The following ABCC1 variants were observed in gnomAD, a reference collection of about 807,000 sequenced individuals.
ABCC1 encodes ATP binding cassette subfamily C member 1 (ABCC1 blood group), also known as multidrug resistance-associated protein 1.
In ABCC1, 83 loss-of-function variants were observed where a neutral mutation model predicts 172.9. The observed-to-expected ratio is 0.48, with a 90% CI of 0.40 to 0.58. The LOEUF is 0.58. Ranked by LOEUF, ABCC1 falls within the 20% of genes least tolerant of loss-of-function variation. The probability of loss-of-function intolerance (pLI) is 0.00; values close to 1 mark genes in which losing one functional copy is unlikely to be tolerated. For synonymous variants in ABCC1, 937 were observed against 825.2 expected (o/e 1.14, Z -2.32); for missense variants, 1,817 against 2,002.7 (o/e 0.91, Z 1.77).
In ABCC1 at chr16:16,043,391, T is replaced by C. The variant is rs190019146; in HGVS notation, c.810-1059T>C. On this transcript the variant is annotated intron_variant, in intron 7 of 30. Coordinates refer to ENST00000399410, the MANE Select transcript of ABCC1 (RefSeq NM_004996.4). ...TCAGCTCACCACAACCTCCGCCTCC[T>C]GGGTTTAAGCGATTCTCCTGCCTCA... Among the ~76,000 whole-genome samples, 830 of 151,162 alleles carry C rather than the reference T, an allele frequency of 5.5e-3. 12 individuals are homozygous for C. The highest frequency in any genetic ancestry group is 0.019 in the African/African-American group (793 of 41,132).
At chr16:16,108,722 A>G (rs1022057807) in intron 21 of ABCC1, among the ~76,000 whole-genome samples, 2 of 151,700 alleles carry the variant, frequency 1.3e-5, no homozygotes, top group Admixed American at 1.3e-4. Flanking sequence ...CAGCCTTCCA[A>G]GTAGCTGTGA....
At chr16:16,024,164 C>T (rs746957683) in intron 5 of ABCC1, among the ~76,000 whole-genome samples, 8 of 151,870 alleles carry the variant, frequency 5.3e-5, no homozygotes, top group South Asian at 2.1e-4. Flanking sequence ...GGTTGCAGTG[C>T]GCCGAGATCG....
In ABCC1 at chr16:16,042,222, T is replaced by C. The variant is rs939227775; in HGVS notation, c.810-2228T>C. Among the ~76,000 whole-genome samples, 31 of 149,894 alleles carry C rather than the reference T, an allele frequency of 2.1e-4. No homozygotes were observed. In the Middle Eastern group the frequency reaches 0.014, roughly 67 times the overall value. ...TTAGACACAGTGAACATACCACCAG[T>C]CACCCCCTTCCCAGGCATCCAGCCA... On this transcript the variant is annotated intron_variant, in intron 7 of 30. Coordinates refer to ENST00000399410, the MANE Select transcript of ABCC1 (RefSeq NM_004996.4).
chr16:16,076,794 C>T (rs952369126), intron 15 of ABCC1, among the ~76,000 whole-genome samples: 1 of 152,234 alleles, frequency 6.6e-6, no homozygotes, highest in South Asian at 2.1e-4. Flanking sequence ...TATCCTCACG[C>T]ATCCTCTCCC....
At chr16:16,061,722 G>A (rs984461227) in intron 12 of ABCC1, among the ~76,000 whole-genome samples, 1 of 149,292 alleles carries the variant, frequency 6.7e-6, no homozygotes, top group African/African-American at 2.5e-5. Flanking sequence ...ACAAGTGATA[G>A]TAAGAGTCAT....
chr16:16,048,382 T>C lies in ABCC1; in HGVS notation c.1380+79T>C, dbSNP rs2049302369. 3.9e-6 allele frequency: 6 copies of C among 1,538,368 alleles called. No homozygotes were observed. The African/African-American group carries it at 4.1e-5, about 10-fold the overall frequency. On this transcript the variant is annotated intron_variant, in intron 10 of 30. Coordinates refer to ENST00000399410, the MANE Select transcript of ABCC1 (RefSeq NM_004996.4). ...GGCAGTGGGCCGAGGGAGTGGGTGT[T>C]GATGGTAATGGCATGTAGAGCTCCC...
chr16:16,077,848 C>T (rs1257642846), intron 15 of ABCC1, among the ~76,000 whole-genome samples: 1 of 152,170 alleles, frequency 6.6e-6, no homozygotes, highest in African/African-American at 2.4e-5. Context: ...CATGGTGAAA[C>T]CCTGTCACTA....
Position 16,124,841 on chromosome 16 carries a change from G to C in ABCC1, c.3643G>C (p.Ala1215Pro). ...GGGCAACTGCATCGTTCTGTTTGCT[G>C]CCCTGTTTGCGGTGATCTCCAGGCA... ...CVGNCIVLFA[A>P]LFAVISRHSL... The change falls in exon 25 of 31, where the codon GCC becomes CCC. Residue 1215 changes from alanine (A) to proline (P), a missense_variant. Transcript: ENST00000399410. 3 of 1,614,240 alleles carry C rather than the reference G, an allele frequency of 1.9e-6. No individual in the cohort carries two copies. Among genetic ancestry groups the C allele is most frequent in the Non-Finnish European group, 1.7e-6 (2 of 1,180,046 alleles).
intron 5 of ABCC1, among the ~76,000 whole-genome samples, chr16:16,021,347 T>C (rs1457123664): frequency 6.6e-6 from 1 of 150,596 alleles, no homozygotes; most frequent in African/African-American, 2.5e-5. Flanking sequence ...TTTTGGGGGG[T>C]TAAATATATG....
At chr16:16,077,449 T>C (rs1008742074) in intron 15 of ABCC1, among the ~76,000 whole-genome samples, 1 of 152,212 alleles carries the variant, frequency 6.6e-6, no homozygotes, top group African/African-American at 2.4e-5. Flanking sequence ...CCAGTGGTTT[T>C]CCTGTTCAGT....
intron 26 of ABCC1, among the ~76,000 whole-genome samples, chr16:16,129,917 G>A (rs565368201): frequency 6.1e-4 from 93 of 152,308 alleles, no homozygotes; most frequent in Admixed American, 1.3e-3. Flanking sequence ...GTTATGTGCC[G>A]TCTGCAGTGC....
chr16:16,088,673 T>G (rs1190516713), intron 18 of ABCC1, among the ~76,000 whole-genome samples: 5 of 152,052 alleles, frequency 3.3e-5, no homozygotes, highest in African/African-American at 1.2e-4. Flanking sequence ...TCAGTGTCCA[T>G]AAATAAAACT....
chr16:16,039,912 T>C (rs1025636311), intron 7 of ABCC1, among the ~76,000 whole-genome samples: 3 of 150,988 alleles, frequency 2.0e-5, no homozygotes, highest in African/African-American at 7.3e-5. Context: ...GGAAAGTGAG[T>C]GAGGGGGAGA....
chr16:16,049,713 C>T (rs547844366), intron 10 of ABCC1, among the ~76,000 whole-genome samples: 46 of 152,220 alleles, frequency 3.0e-4, no homozygotes, highest in African/African-American at 8.2e-4. Flanking sequence ...GACATGGAGT[C>T]GCGCTCTGTT....
At chr16:16,106,907 G>A in intron 21 of ABCC1, 34 bp downstream of exon 21, 1 of 1,613,068 alleles carries the variant, frequency 6.2e-7, no homozygotes, top group Non-Finnish European at 8.5e-7. Context: ...GACAGTGGCT[G>A]GAGTTTATAG....
intron 28 of ABCC1, among the ~76,000 whole-genome samples, 160 bp downstream of exon 28, chr16:16,134,668 G>A (rs181733947): frequency 8.9e-5 from 11 of 122,990 alleles, no homozygotes; most frequent in East Asian, 4.8e-4. Context: ...ACAGGGTCTC[G>A]CTCTGTTGCC....
chr16:16,036,707 C>A, intron 7 of ABCC1, 104 bp downstream of exon 7: 3 of 1,278,562 alleles, frequency 2.3e-6, no homozygotes, highest in Non-Finnish European at 3.3e-6. Flanking sequence ...CTGTTACTAG[C>A]TTTGTGGTTC....
At chr16:15,969,414 C>G (rs2046319264) in intron 1 of ABCC1, among the ~76,000 whole-genome samples, 1 of 149,724 alleles carries the variant, frequency 6.7e-6, no homozygotes, top group Non-Finnish European at 1.5e-5. Context: ...GTCTTGTTGC[C>G]CAGACTGGAG....
chr16:15,955,932 G>A (rs911849365), intron 1 of ABCC1, among the ~76,000 whole-genome samples: 4 of 152,176 alleles, frequency 2.6e-5, no homozygotes, highest in African/African-American at 9.6e-5. Flanking sequence ...TCAGGGGTTA[G>A]GAGTGCTGAT....
Sources: allele counts gnomAD v4.1 joint callset (sites outside exome capture counted in the v4.1 genomes callset), GRCh38; gene constraint gnomAD v4.1.1; transcripts MANE v1.5; gene names NCBI Gene and HGNC (gene_info 2026-07-23, HGNC 2026-07-21).